HIVEP3: variants seen among roughly 807,000 people sequenced by gnomAD.
HIVEP3 encodes transcription factor HIVEP3.
A neutral mutation model predicts 152.8 loss-of-function variants in HIVEP3; 49 were observed. The observed-to-expected ratio is 0.32, with a 90% CI of 0.26 to 0.41. The LOEUF (loss-of-function observed/expected upper bound fraction) is 0.41. Among genes scored for constraint, HIVEP3 ranks in the 10% least tolerant of loss-of-function variants. HIVEP3 has a pLI of 1.00. For missense variants in HIVEP3, 2,790 were observed against 3,103.3 expected (o/e 0.90, Z 2.40); for synonymous variants, 1,269 against 1,289.0 (o/e 0.98, Z 0.33).
At chr1:41,840,334 C>T (rs1643251346) in intron 1 of HIVEP3, among the ~76,000 whole-genome samples, 1 of 152,152 alleles carries the variant, frequency 6.6e-6, no homozygotes. Flanking sequence ...AGGAGAGACA[C>T]ATGCATGGAT....
intron 3 of HIVEP3, among the ~76,000 whole-genome samples, chr1:41,620,623 A>G (rs1645033377): frequency 1.3e-5 from 2 of 152,146 alleles, no homozygotes. Flanking sequence ...TGCCCCACCC[A>G]GCACGCCCCA....
At chr1:41,612,083 C>T (rs1644906391) in intron 3 of HIVEP3, among the ~76,000 whole-genome samples, 1 of 151,914 alleles carries the variant, frequency 6.6e-6, no homozygotes, top group Non-Finnish European at 1.5e-5. Context: ...CCACCTTCCT[C>T]CTCCCACTCC....
At chr1:41,641,460 C>G (rs915172153) in intron 2 of HIVEP3, among the ~76,000 whole-genome samples, 35 of 152,358 alleles carry the variant, frequency 2.3e-4, no homozygotes, top group Admixed American at 1.3e-3. Context: ...CCACCCCATC[C>G]CCACCTCCAC....
At chr1:41,595,422 G>C (rs1164134964) in intron 3 of HIVEP3, among the ~76,000 whole-genome samples, 1 of 152,138 alleles carries the variant, frequency 6.6e-6, no homozygotes, top group Non-Finnish European at 1.5e-5. Context: ...CTTACACTTT[G>C]AACTCTCTGC....
chr1:41,588,714 G>A (rs944994524), intron 3 of HIVEP3, among the ~76,000 whole-genome samples: 2 of 152,172 alleles, frequency 1.3e-5, no homozygotes, highest in African/African-American at 4.8e-5. Context: ...AGCACCGTTG[G>A]CTGCCAGGGC....
intron 1 of HIVEP3, among the ~76,000 whole-genome samples, chr1:41,836,038 C>T (rs915547863): frequency 6.6e-6 from 1 of 152,184 alleles, no homozygotes; most frequent in Non-Finnish European, 1.5e-5. Context: ...TCCATGAACC[C>T]TGTGGCTGCT....
chr1:42,022,268 C>T (rs942714039), intron 1 of HIVEP3, among the ~76,000 whole-genome samples: 3 of 152,130 alleles, frequency 2.0e-5, no homozygotes, highest in Non-Finnish European at 4.4e-5. Context: ...TCTAATCTGT[C>T]TCCTTCCACT....
chr1:41,882,856 T>C (rs1452255248), intron 1 of HIVEP3, among the ~76,000 whole-genome samples: 1 of 152,106 alleles, frequency 6.6e-6, no homozygotes, highest in Non-Finnish European at 1.5e-5. Context: ...AGTTCAGGAG[T>C]TGGGATAGGA....
chr1:41,878,554 GA>G (rs1644207550), intron 1 of HIVEP3, among the ~76,000 whole-genome samples: 1 of 152,124 alleles, frequency 6.6e-6, no homozygotes, highest in African/African-American at 2.4e-5. Flanking sequence ...ATGGTGGGGA[GA>G]GGGTAGGAGA....
intron 2 of HIVEP3, among the ~76,000 whole-genome samples, chr1:41,679,093 C>T (rs1105414): frequency 0.13 from 19,364 of 152,220 alleles, 2,287 homozygotes; most frequent in African/African-American, 0.32. Flanking sequence ...ACTCATATCA[C>T]GACTGGGCAT....
At chr1:42,000,606 T>C (rs558226073) in intron 1 of HIVEP3, among the ~76,000 whole-genome samples, 15 of 152,186 alleles carry the variant, frequency 9.9e-5, no homozygotes, top group Admixed American at 5.9e-4. Context: ...ATCTCAGCAG[T>C]GGGGATACAT....
intron 2 of HIVEP3, among the ~76,000 whole-genome samples, chr1:41,647,360 C>T (rs535138432): frequency 5.9e-5 from 9 of 152,296 alleles, no homozygotes; most frequent in Admixed American, 5.2e-4. Flanking sequence ...CAGGCAGACA[C>T]ACACTCACCC....
At chr1:41,561,406 C>A (rs1443214198) in intron 5 of HIVEP3, among the ~76,000 whole-genome samples, 4 of 152,164 alleles carry the variant, frequency 2.6e-5, no homozygotes, top group Non-Finnish European at 5.9e-5. Context: ...TCAAACAATG[C>A]CCGAAGATGG....
intron 1 of HIVEP3, among the ~76,000 whole-genome samples, chr1:41,879,290 C>T (rs898016814): frequency 2.0e-5 from 3 of 152,204 alleles, no homozygotes; most frequent in African/African-American, 7.2e-5. Context: ...CTCAACTGCA[C>T]AGGATGTGCC....
intron 1 of HIVEP3, among the ~76,000 whole-genome samples, chr1:41,738,289 C>T (rs774688193): frequency 4.6e-5 from 7 of 152,180 alleles, no homozygotes; most frequent in African/African-American, 9.7e-5. Flanking sequence ...CAGGCACTGT[C>T]GCTGAACCAG....
rs376565188 is a variant in HIVEP3 at position 41,675,257 on chromosome 1, C to T, written c.-721+25659G>A. Among the ~76,000 whole-genome samples, 40 of 152,298 alleles carry T rather than the reference C, an allele frequency of 2.6e-4. 2 individuals carry two copies. In the East Asian group the frequency reaches 7.1e-3, roughly 27 times the overall value. On this transcript the variant is annotated intron_variant, in intron 2 of 8. Transcript: ENST00000372583. Reference sequence around the variant, plus strand: ...ACCTGCCCCTCCTGCCACATCTCCCCCTCGATCCACCTGGGGCGTAGGGTC... The same window carrying T: ...ACCTGCCCCTCCTGCCACATCTCCCTCTCGATCCACCTGGGGCGTAGGGTC...
At chr1:41,805,883 C>CTG (rs929862877) in intron 1 of HIVEP3, among the ~76,000 whole-genome samples, 3 of 151,756 alleles carry the variant, frequency 2.0e-5, no homozygotes, top group East Asian at 1.9e-4. Context: ...GCCTTGTGTT[C>CTG]TGTGTGTGTG....
chr1:41,749,541 GA>G (rs1647126202), intron 1 of HIVEP3, among the ~76,000 whole-genome samples: 2 of 152,190 alleles, frequency 1.3e-5, no homozygotes, highest in Admixed American at 1.3e-4. Flanking sequence ...TCATTCCTAA[GA>G]AAATTTAGAA....
intron 1 of HIVEP3, among the ~76,000 whole-genome samples, chr1:41,949,444 T>C (rs546238537): frequency 1.3e-5 from 2 of 152,344 alleles, no homozygotes; most frequent in South Asian, 4.1e-4. Flanking sequence ...CAGTAGTCCT[T>C]CAAAATCGAA....
Sources: gnomAD v4.1 joint callset for allele counts (sites outside exome capture counted in the v4.1 genomes callset) on GRCh38, gnomAD v4.1.1 for gene constraint, MANE v1.5 for transcripts, NCBI Gene and HGNC (gene_info 2026-07-23, HGNC 2026-07-21) for gene names.